Variants in TNFRSF1B observed in about 807,000 individuals in gnomAD.
The protein encoded by TNFRSF1B is TNF receptor superfamily member 1B.
A neutral mutation model predicts 44.6 loss-of-function variants in TNFRSF1B; 19 were observed. The observed-to-expected ratio is 0.43, with a 90% CI of 0.30 to 0.62. The LOEUF (loss-of-function observed/expected upper bound fraction) is 0.62. TNFRSF1B is among the 20% of genes least tolerant of loss of function. The pLI, the probability that TNFRSF1B is intolerant of heterozygous loss-of-function variation, is 0.16. For missense variants in TNFRSF1B, 541 were observed against 619.9 expected, an observed-to-expected ratio of 0.87 and a Z score of 1.35; for synonymous variants, 252 against 261.1, an observed-to-expected ratio of 0.97 and a Z score of 0.34.
At chr1:12,181,443 A>G (rs1638803081) in intron 1 of TNFRSF1B, among the ~76,000 whole-genome samples, 1 of 152,112 alleles carries the variant, frequency 6.6e-6, no homozygotes, top group Admixed American at 6.5e-5. Context: ...GAACCCCTGG[A>G]GGAGACAGGG....
At chr1:12,183,842 T>TCTAG (rs1332198835) in intron 1 of TNFRSF1B, among the ~76,000 whole-genome samples, 3 of 150,616 alleles carry the variant, frequency 2.0e-5, no homozygotes, top group African/African-American at 7.3e-5. Flanking sequence ...TATCTATCTA[T>TCTAG]CTATCTATCT....
At chr1:12,190,090 C>T (rs1024198096) in intron 2 of TNFRSF1B, among the ~76,000 whole-genome samples, 3 of 152,066 alleles carry the variant, frequency 2.0e-5, no homozygotes, top group African/African-American at 7.2e-5. Context: ...GGCTTTGAGC[C>T]GTTACCTTGA....
rs1010330335 is a variant in TNFRSF1B, at chr1:12,199,141, C to A, written c.901-2826C>A. 3.3e-5 allele frequency among the ~76,000 whole-genome samples: 5 copies of A among 152,172 alleles called. No homozygotes were observed. Among genetic ancestry groups the A allele is most frequent in the African/African-American group, 1.2e-4 (5 of 41,424 alleles). ...TTGGGAGGAGGGAGGTGGCCGTGAC[C>A]TTTGGGGGTTTTTGTTCTGCCTGGC... On this transcript the variant is annotated intron_variant, in intron 8 of 9. Coordinates refer to ENST00000376259, the MANE Select transcript of TNFRSF1B (RefSeq NM_001066.3). The surrounding 1 kb of genome is among the most constrained non-coding windows in gnomAD (Gnocchi z 4.0).
Position 12,187,853 on chromosome 1 carries a change from C to G in TNFRSF1B, c.79-943C>G, listed in dbSNP as rs1286061377. Among the ~76,000 whole-genome samples, 2 of 152,162 alleles carry G rather than the reference C, an allele frequency of 1.3e-5. No individual in the cohort carries two copies. Among genetic ancestry groups the G allele is most frequent in the Non-Finnish European group, 2.9e-5 (2 of 68,038 alleles). On this transcript the variant is annotated intron_variant, in intron 1 of 9. Transcript: ENST00000376259. The surrounding 1 kb of genome is among the most constrained non-coding windows in gnomAD (Gnocchi z 5.5). ...TTGTTCACCAGCTTCAGCCCAACAC[C>G]ACGGGGGTGGCTCTGGACCATGAAT...
intron 1 of TNFRSF1B, among the ~76,000 whole-genome samples, chr1:12,183,376 C>A (rs1638853358): frequency 6.6e-6 from 1 of 152,174 alleles, no homozygotes; most frequent in African/African-American, 2.4e-5. Context: ...GAAATGGGCA[C>A]AATCAGACCT....
chr1:12,191,409 GCGGGGAAGAGCGGGACTT>G (rs1181724357), intron 3 of TNFRSF1B, among the ~76,000 whole-genome samples: 1 of 152,012 alleles, frequency 6.6e-6, no homozygotes, highest in Non-Finnish European at 1.5e-5. Flanking sequence ...GAGCGGGACT[GCGGGGAAGAGCGGGACTT>G]CGGGGAGGAG....
rs1800621 is a variant in TNFRSF1B, at chr1:12,208,514, A to G, written c.*1494A>G. 0.052 allele frequency: 7,869 copies of G among 152,668 alleles called. 285 individuals are homozygous for G. The highest frequency in any genetic ancestry group is 0.11 in the Admixed American group (1,615 of 15,302). 9.5% of individuals were successfully genotyped at this position (152,668 alleles called of 1,614,324 possible). On this transcript the variant is annotated 3_prime_UTR_variant, in exon 10 of 10. Transcript: ENST00000376259. ...GCCACTGAAGCTGGGATTCCTCCCC[A>G]TTAGAGTCAGCCTTCCCCCTCCCAG...
rs756427248 is a variant in TNFRSF1B, at chr1:12,192,470, C to T, written c.497C>T (p.Pro166Leu). 1.6e-5 allele frequency: 26 copies of T among 1,613,954 alleles called. No homozygotes were observed. The highest frequency in any genetic ancestry group is 1.6e-4 in the African/African-American group (12 of 74,890). ...GACGTGGTGTGCAAGCCCTGTGCCC[C>T]GGGGACGTTCTCCAACACGACTTCA... ...TSDVVCKPCA[P>L]GTFSNTTSST... Residue 166 changes from proline (P) to leucine (L), a missense_variant, in exon 5 of 10, where the codon CCG becomes CTG. Transcript: ENST00000376259.
intron 8 of TNFRSF1B, among the ~76,000 whole-genome samples, chr1:12,196,534 A>G (rs141432088): frequency 1.8e-4 from 28 of 152,254 alleles, no homozygotes; most frequent in Admixed American, 4.6e-4. Flanking sequence ...GGGCAGCCCA[A>G]TACCCGAAGC....
chr1:12,167,474 G>A, intron 1 of TNFRSF1B: 2 of 434,196 alleles, frequency 4.6e-6, no homozygotes, highest in Non-Finnish European at 4.2e-6. Context: ...TTGGGGCTGA[G>A]CAGCGGGTCC....
chr1:12,176,142 C>A (rs1462589803), intron 1 of TNFRSF1B, among the ~76,000 whole-genome samples: 1 of 152,128 alleles, frequency 6.6e-6, no homozygotes, highest in Non-Finnish European at 1.5e-5. Flanking sequence ...TCACTTGAAC[C>A]CCAGAGGCGG....
At chr1:12,170,464 C>G (rs775876545) in intron 1 of TNFRSF1B, among the ~76,000 whole-genome samples, 3 of 152,240 alleles carry the variant, frequency 2.0e-5, no homozygotes, top group Admixed American at 1.3e-4. Flanking sequence ...GGCATTCTTA[C>G]GTCAGAGGTG....
chr1:12,192,274 A>ATG, intron 4 of TNFRSF1B, 157 bp from the exon 5 acceptor site: 1 of 689,574 alleles, frequency 1.5e-6, no homozygotes, highest in South Asian at 1.5e-5. Flanking sequence ...GTGTACAGGC[A>ATG]TCTGTGTGTG....
At chr1:12,174,361 C>T (rs1638604692) in intron 1 of TNFRSF1B, among the ~76,000 whole-genome samples, 1 of 151,972 alleles carries the variant, frequency 6.6e-6, no homozygotes, top group African/African-American at 2.4e-5. Context: ...TATTCTCCAG[C>T]CTCAACCTTC....
chr1:12,182,454 T>C (rs1638833945), intron 1 of TNFRSF1B, among the ~76,000 whole-genome samples: 2 of 152,228 alleles, frequency 1.3e-5, no homozygotes, highest in Non-Finnish European at 2.9e-5. Context: ...CTATTGAACG[T>C]GCATGTGTCT....
intron 2 of TNFRSF1B, among the ~76,000 whole-genome samples, chr1:12,189,603 G>A (rs1639066326): frequency 6.6e-6 from 1 of 152,250 alleles, no homozygotes; most frequent in Admixed American, 6.5e-5. Flanking sequence ...GGTATCTGCT[G>A]TGTGTTCTAA....
chr1:12,207,083 A>T lies in TNFRSF1B; in HGVS notation c.*63A>T. 1 of 1,500,620 alleles carries T rather than the reference A, an allele frequency of 6.7e-7. No individual in the cohort carries two copies. Among genetic ancestry groups the T allele is most frequent in the Non-Finnish European group, 8.9e-7 (1 of 1,122,106 alleles). The allele number at this position is 1,500,620 out of a possible 1,614,324, so 93.0% of individuals were successfully genotyped here. A position where few individuals can be genotyped will look rare whatever the true frequency, so the allele number is the denominator to read the frequency against. On this transcript the variant is annotated 3_prime_UTR_variant, in exon 10 of 10. Transcript: ENST00000376259. ...TGAGCCCTGGCAGGATGACCCTGCGAAGGGGCCCTGGTCCTTCCAGGCCCC... is the reference window on the plus strand; with the variant it reads ...TGAGCCCTGGCAGGATGACCCTGCGTAGGGGCCCTGGTCCTTCCAGGCCCC...
intron 9 of TNFRSF1B, 94 bp downstream of exon 9, chr1:12,202,265 C>T (rs1469240402): frequency 1.3e-6 from 2 of 1,484,308 alleles, no homozygotes; most frequent in Non-Finnish European, 1.8e-6. Flanking sequence ...AGCCTCCCCG[C>T]AGGGTGGGAC....
rs1409006848 is a variant in TNFRSF1B at position 12,180,739 on chromosome 1, G to A, written c.79-8057G>A. ...GGGAGGGTGGAACCTGACTGACCGGGTCAGCCTTACTCTTCCAGCGGGGTC... is the reference window on the plus strand; with the variant it reads ...GGGAGGGTGGAACCTGACTGACCGGATCAGCCTTACTCTTCCAGCGGGGTC... On this transcript the variant is annotated intron_variant, in intron 1 of 9. Transcript: ENST00000376259. The surrounding 1 kb of genome is among the most constrained non-coding windows in gnomAD (Gnocchi z 4.3). Among the ~76,000 whole-genome samples the A allele has an allele frequency of 1.3e-5, 2 of 151,844 alleles. No individual in the cohort carries two copies. Among genetic ancestry groups the A allele is most frequent in the African/African-American group, 4.9e-5 (2 of 41,122 alleles).
Sources: allele counts gnomAD v4.1 joint callset (sites outside exome capture counted in the v4.1 genomes callset), GRCh38; gene constraint gnomAD v4.1.1; non-coding constraint Gnocchi (gnomAD v3.1); transcripts MANE v1.5; gene names NCBI Gene and HGNC (gene_info 2026-07-23, HGNC 2026-07-21).